The following SUPT16H variants were observed in gnomAD, a reference collection of about 807,000 sequenced individuals.
SUPT16H encodes the protein SPT16 homolog, facilitates chromatin remodeling subunit.
Under a neutral mutation model 136.2 loss-of-function variants are expected in SUPT16H, and 24 were observed. That is an observed-to-expected ratio of 0.18 (90% CI 0.13 to 0.25). The LOEUF (loss-of-function observed/expected upper bound fraction) is 0.25. Among genes scored for constraint, SUPT16H ranks in the 10% least tolerant of loss-of-function variants. The pLI, the probability that SUPT16H is intolerant of heterozygous loss-of-function variation, is 1.00. For synonymous variants in SUPT16H, 415 were observed against 428.2 expected (o/e 0.97, Z 0.38); for missense variants, 623 against 1,270.2 (o/e 0.49, Z 7.74).
rs547395975 is a variant in SUPT16H, at chr14:21,377,726, C to T, written c.67-4296G>A. 7.9e-5 allele frequency among the ~76,000 whole-genome samples: 12 copies of T among 152,200 alleles called. No individual in the cohort carries two copies. In the South Asian group the frequency reaches 1.2e-3, roughly 16 times the overall value. On this transcript the variant is annotated intron_variant, in intron 1 of 25. Transcript: ENST00000216297. ...GTGGCCTCTGCCTCCTGGGTTCAAG[C>T]GATTCTCGTGCCTCAGCCTCCTAAG...
At chr14:21,370,003 C>T in intron 4 of SUPT16H, 107 bp from the exon 5 acceptor site, 1 of 1,265,054 alleles carries the variant, frequency 7.9e-7, no homozygotes, top group Non-Finnish European at 1.1e-6. Context: ...ATTTAGCAAA[C>T]TATCACTGGT....
intron 2 of SUPT16H, chr14:21,372,682 G>T (rs761299392): frequency 2.2e-6 from 1 of 454,576 alleles, no homozygotes; most frequent in South Asian, 1.6e-5. Flanking sequence ...TTGGGTGGCA[G>T]AACAGAGAAC....
intron 4 of SUPT16H, 41 bp downstream of exon 4, chr14:21,370,295 C>T: frequency 1.9e-6 from 3 of 1,598,188 alleles, no homozygotes; most frequent in Non-Finnish European, 2.6e-6. Context: ...ACATTTCTGT[C>T]TTCTCAACTC....
chr14:21,370,195 C>A, intron 4 of SUPT16H, 141 bp downstream of exon 4: 1 of 1,184,754 alleles, frequency 8.4e-7, no homozygotes. Flanking sequence ...ATAAAACTGG[C>A]ACACTGCTCA....
Position 21,363,425 on chromosome 14 carries a change from A to G in SUPT16H, c.1299+13T>C. 2 of 1,613,280 alleles carry G rather than the reference A, an allele frequency of 1.2e-6. No individual in the cohort carries two copies. ...CCTAAACTTCCTATACTACTTATCT[A>G]TCTTCTTCCTACCTTTAGGAAAATC... On this transcript the variant is annotated intron_variant, in intron 11 of 25. Transcript: ENST00000216297.
intron 1 of SUPT16H, 137 bp downstream of exon 1, chr14:21,383,725 G>T: frequency 2.1e-6 from 2 of 969,062 alleles, no homozygotes; most frequent in South Asian, 1.3e-5. Context: ...TCCGGTGAAT[G>T]ATTCGGGAGC....
chr14:21,365,974 G>A (rs940710839), intron 8 of SUPT16H, among the ~76,000 whole-genome samples: 16 of 152,182 alleles, frequency 1.1e-4, no homozygotes, highest in East Asian at 1.9e-4. Flanking sequence ...GTGGTGGCAC[G>A]TGCCTTGGTC....
chr14:21,366,128 C>T (rs564949350), intron 8 of SUPT16H, among the ~76,000 whole-genome samples: 1 of 152,176 alleles, frequency 6.6e-6, no homozygotes, highest in East Asian at 1.9e-4. Flanking sequence ...TCTCAGAGTA[C>T]TTAAGTTGCA....
rs150108480 is a variant in SUPT16H, at chr14:21,376,564, A to G, written c.67-3134T>C. ...TTTTCTCATTGATTTTCAGTAAGAA[A>G]TGTTTTCCTTCAGGTTGGTAAAAAG... is the stretch of plus-strand genomic sequence containing the variant. On this transcript the variant is annotated intron_variant, in intron 1 of 25. Coordinates refer to ENST00000216297, the MANE Select transcript of SUPT16H (RefSeq NM_007192.4). Among the ~76,000 whole-genome samples the G allele has an allele frequency of 1.7e-3, 265 of 152,308 alleles. 1 individual carries two copies. In the East Asian group the frequency reaches 0.045, roughly 26 times the overall value.
chr14:21,383,607 A>G, intron 1 of SUPT16H: 1 of 702,654 alleles, frequency 1.4e-6, no homozygotes, highest in Non-Finnish European at 2.6e-6. Context: ...AGACTGCGAG[A>G]GGTGCTGCTA....
At position 21,357,369 on chromosome 14, in the gene SUPT16H, G is replaced by T. The variant is rs749516695; in HGVS notation, c.2491-3C>A. Reference sequence around the variant, plus strand: ...TCCAATGTCACCACAAAAGGTGGCTGTCAGGGAGAAACTGAATCATTAGCA... The same window carrying T: ...TCCAATGTCACCACAAAAGGTGGCTTTCAGGGAGAAACTGAATCATTAGCA... On this transcript the variant is annotated splice_polypyrimidine_tract_variant and splice_region_variant and intron_variant, in intron 21 of 25. Coordinates refer to ENST00000216297, the MANE Select transcript of SUPT16H (RefSeq NM_007192.4). 6.4e-7 allele frequency: 1 copy of T among 1,572,172 alleles called. No homozygotes were observed. The highest frequency in any genetic ancestry group is 8.6e-7 in the Non-Finnish European group (1 of 1,160,650).
At chr14:21,383,024 CAG>C (rs993214969) in intron 1 of SUPT16H, 1 of 152,218 alleles carries the variant, frequency 6.6e-6, no homozygotes, top group Non-Finnish European at 1.5e-5. Context: ...CCCTTGATGA[CAG>C]GGTTCAGGGG....
At chr14:21,357,548 T>C (rs987565577) in intron 21 of SUPT16H, among the ~76,000 whole-genome samples, 182 bp from the exon 22 acceptor site, 2 of 151,604 alleles carry the variant, frequency 1.3e-5, no homozygotes, top group African/African-American at 2.4e-5. Context: ...ATCTGCAAGA[T>C]ACAAAAATCA....
chr14:21,357,402 AT>A, intron 21 of SUPT16H, 36 bp from the exon 22 acceptor site: 2 of 1,504,488 alleles, frequency 1.3e-6, no homozygotes, highest in Admixed American at 2.2e-5. Context: ...GCATATAAGT[AT>A]TTCCCCCAAA....
In SUPT16H at chr14:21,362,234, T is replaced by C. The variant is rs764831935; in HGVS notation, c.1756A>G (p.Ile586Val). 1 of 1,612,838 alleles carries C rather than the reference T, an allele frequency of 6.2e-7. No homozygotes were observed. The highest frequency in any genetic ancestry group is 8.5e-7 in the Non-Finnish European group (1 of 1,179,962). Residue 586 changes from isoleucine to valine, a missense_variant, in exon 15 of 26, where the codon ATC becomes GTC. Coordinates refer to ENST00000216297, the MANE Select transcript of SUPT16H (RefSeq NM_007192.4). Reference sequence around the variant, plus strand: ...AAAGTCGCTTCAGGGTTAGGAAAGATGTTGCCTTCATTCCTGCCCAGAGCA... The same window carrying C: ...AAAGTCGCTTCAGGGTTAGGAAAGACGTTGCCTTCATTCCTGCCCAGAGCA... The part of the protein sequence containing the change: ...GSALGRNEGN[I>V]FPNPEATFVK...
At chr14:21,354,050 C>T (rs1412570754) in intron 23 of SUPT16H, among the ~76,000 whole-genome samples, 2 of 152,152 alleles carry the variant, frequency 1.3e-5, no homozygotes, top group South Asian at 2.1e-4. Context: ...GAAAAATTCA[C>T]GTTAGCCTTC....
intron 17 of SUPT16H, 94 bp downstream of exon 17, chr14:21,360,752 G>C: frequency 6.6e-7 from 1 of 1,521,222 alleles, no homozygotes; most frequent in Non-Finnish European, 8.8e-7. Flanking sequence ...GCTAACCGGC[G>C]GATGGCTCTT....
intron 25 of SUPT16H, among the ~76,000 whole-genome samples, 185 bp from the exon 26 acceptor site, chr14:21,353,003 A>C (rs1886354074): frequency 6.6e-6 from 1 of 152,228 alleles, no homozygotes; most frequent in South Asian, 2.1e-4. Flanking sequence ...AAATAAGGTA[A>C]CCTATGAAAA....
At position 21,369,815 on chromosome 14, in the gene SUPT16H, T is replaced by G; in HGVS notation, c.565A>C (p.Ile189Leu). ...AATTTGTTGAAGACTTCAGAAGTGA[T>G]GCTGGCTGCTTTCTTCATTAGGTTG... ...ELNLMKKAAS[I>L]TSEVFNKFFK... The change falls in exon 5 of 26, where the codon ATC (isoleucine) becomes CTC (leucine). Residue 189 changes from isoleucine (I) to leucine (L), a missense_variant. This residue lies in a region of SUPT16H where 343 missense variants were observed against 525.7 expected (regional missense o/e 0.65). Transcript: ENST00000216297. The G allele has an allele frequency of 6.2e-7, 1 of 1,614,226 alleles. No individual in the cohort carries two copies. The highest frequency in any genetic ancestry group is 8.5e-7 in the Non-Finnish European group (1 of 1,180,030).
Sources: allele counts gnomAD v4.1 joint callset (sites outside exome capture counted in the v4.1 genomes callset), GRCh38; gene constraint gnomAD v4.1.1; regional missense constraint gnomAD v4.1.1; transcripts MANE v1.5; gene names NCBI Gene and HGNC (gene_info 2026-07-23, HGNC 2026-07-21).